The following MYOT variants were observed in gnomAD, a reference collection of about 807,000 sequenced individuals.
MYOT encodes myotilin, also known as 57 kDa cytoskeletal protein.
In MYOT, 36 loss-of-function variants were observed where a neutral mutation model predicts 58.0. That is an observed-to-expected ratio of 0.62 (90% CI 0.48 to 0.82). The LOEUF (loss-of-function observed/expected upper bound fraction) is 0.82, where lower values mean the gene tolerates loss of function less well. Ranked by LOEUF, MYOT falls within the 40% of genes least tolerant of loss-of-function variation. The pLI, the probability that MYOT is intolerant of heterozygous loss-of-function variation, is 0.00. For synonymous variants in MYOT, 218 were observed against 204.6 expected (o/e 1.07, Z -0.56); for missense variants, 505 against 592.1 (o/e 0.85, Z 1.53).
Position 137,875,927 on chromosome 5 carries a change from G to C in MYOT, c.455G>C (p.Gly152Ala). 1.9e-6 allele frequency: 3 copies of C among 1,613,966 alleles called. No homozygotes were observed. The highest frequency in any genetic ancestry group is 2.5e-6 in the Non-Finnish European group (3 of 1,179,930). ...IPRTPDHEIQ[G>A]SKEALIQDLE... is the part of the protein sequence containing the mutation. ...AGAACTCCTGATCATGAAATACAAG[G>C]ATCAAAAGAAGCTTTGATTCAAGAT... Residue 152 changes from glycine to alanine, a missense_variant, in exon 3 of 10, where the codon GGA (glycine) becomes GCA (alanine). Physicochemically the swap from Gly to Ala is moderately conservative, Grantham distance 60. Coordinates refer to ENST00000239926, the MANE Select transcript of MYOT (RefSeq NM_006790.3).
intron 7 of MYOT, among the ~76,000 whole-genome samples, chr5:137,883,860 T>C (rs987451158): frequency 6.6e-6 from 1 of 152,178 alleles, no homozygotes; most frequent in African/African-American, 2.4e-5. Context: ...AAATAAATCA[T>C]ACAATTTTAG....
Position 137,875,974 on chromosome 5 carries a change from A to C in MYOT, c.502A>C (p.Lys168Gln), listed in dbSNP as rs1755199587. 3 of 1,614,090 alleles carry C rather than the reference A, an allele frequency of 1.9e-6. No homozygotes were observed. The highest frequency in any genetic ancestry group is 1.7e-4 in the Middle Eastern group (1 of 6,056). ...IQDLERKLKCKDTLLHNGNQR... is the reference protein window; with the variant it reads ...IQDLERKLKCQDTLLHNGNQR... ...AGATTTGGAAAGAAAGCTGAAATGCAAGGACACCCTTCTTCATAATGGAAA... is the reference window on the plus strand; with the variant it reads ...AGATTTGGAAAGAAAGCTGAAATGCCAGGACACCCTTCTTCATAATGGAAA... Residue 168 changes from lysine to glutamine, a missense_variant, in exon 3 of 10, where the codon AAG becomes CAG. Coordinates refer to ENST00000239926, the MANE Select transcript of MYOT (RefSeq NM_006790.3).
In MYOT at chr5:137,874,203, A is replaced by G. The variant is rs189807270; in HGVS notation, c.357-1626A>G. On this transcript the variant is annotated intron_variant, in intron 2 of 9. Coordinates refer to ENST00000239926, the MANE Select transcript of MYOT (RefSeq NM_006790.3). Reference sequence around the variant, plus strand: ...CCCTGCAGGCCGGGTGCGGTGGCTCAAGCCTGTAATCCCAGAACTTTGGGA... The same window carrying G: ...CCCTGCAGGCCGGGTGCGGTGGCTCGAGCCTGTAATCCCAGAACTTTGGGA... Among the ~76,000 whole-genome samples the G allele has an allele frequency of 4.7e-3, 723 of 152,242 alleles. 6 individuals are homozygous for G. Among genetic ancestry groups the G allele is most frequent in the Non-Finnish European group, 5.8e-3 (392 of 68,010 alleles).
At chr5:137,873,043 G>A (rs1755099006) in intron 2 of MYOT, among the ~76,000 whole-genome samples, 1 of 152,226 alleles carries the variant, frequency 6.6e-6, no homozygotes, top group Non-Finnish European at 1.5e-5. Context: ...AGAGTATTCA[G>A]TGAACAAAGT....
At chr5:137,874,668 AT>A (rs1368402342) in intron 2 of MYOT, among the ~76,000 whole-genome samples, 1 of 152,174 alleles carries the variant, frequency 6.6e-6, no homozygotes, top group East Asian at 1.9e-4. Context: ...CATAGAAAAA[AT>A]TTAGGATCAA....
rs752911417 is a variant in MYOT, at chr5:137,887,271, C to A, written c.1383C>A (p.Ser461Arg). 1 of 1,613,996 alleles carries A rather than the reference C, an allele frequency of 6.2e-7. No homozygotes were observed. Among genetic ancestry groups the A allele is most frequent in the South Asian group, 1.1e-5 (1 of 91,078 alleles). Residue 461 changes from serine (S) to arginine (R), a missense_variant, in exon 10 of 10, where the codon AGC becomes AGA. Ser to Arg is a moderately radical substitution (Grantham distance 110). Transcript: ENST00000239926. ...AGTTACGGGTTCGACCAACATTCAG[C>A]AAATATTTAGCACTTAATGGGAAAG... The part of the protein sequence containing the change: ...PKQLRVRPTF[S>R]KYLALNGKGL...
Position 137,887,351 on chromosome 5 carries a change from C to T in MYOT, c.1463C>T (p.Ala488Val), listed in dbSNP as rs950292044. ...NPEGEFQRLA[A>V]QSGLYESEEL Reference sequence around the variant, plus strand: ...GAAGGAGAATTTCAGCGTTTGGCAGCTCAATCTGGACTCTATGAAAGTGAA... The same window carrying T: ...GAAGGAGAATTTCAGCGTTTGGCAGTTCAATCTGGACTCTATGAAAGTGAA... The change falls in exon 10 of 10, where the codon GCT becomes GTT. Residue 488 changes from alanine to valine, a missense_variant. Transcript: ENST00000239926. The T allele has an allele frequency of 2.5e-6, 4 of 1,613,860 alleles. No homozygotes were observed. Among genetic ancestry groups the T allele is most frequent in the Non-Finnish European group, 2.5e-6 (3 of 1,179,960 alleles).
rs761598206 is a variant in MYOT at position 137,887,251 on chromosome 5, C to T, written c.1363C>T (p.Arg455Trp). ...AACTCTTCCAGCTCCTAAGCAGTTA[C>T]GGGTTCGACCAACATTCAGCAAATA... ...NQTLPAPKQL[R>W]VRPTFSKYLA... The change falls in exon 10 of 10, where the codon CGG becomes TGG. Residue 455 changes from arginine (R) to tryptophan (W), a missense_variant. Coordinates refer to ENST00000239926, the MANE Select transcript of MYOT (RefSeq NM_006790.3). 22 of 1,614,006 alleles carry T rather than the reference C, an allele frequency of 1.4e-5. No individual in the cohort carries two copies. Among genetic ancestry groups the T allele is most frequent in the South Asian group, 4.4e-5 (4 of 91,076 alleles).
At chr5:137,869,780 T>G (rs749136705) in intron 1 of MYOT, among the ~76,000 whole-genome samples, 2 of 152,058 alleles carry the variant, frequency 1.3e-5, no homozygotes, top group South Asian at 4.2e-4. Flanking sequence ...AACTAGGAAG[T>G]ATAATCTAAA....
At chr5:137,886,791 G>A in intron 8 of MYOT, 73 bp from the exon 9 acceptor site, 1 of 1,091,630 alleles carries the variant, frequency 9.2e-7, no homozygotes, top group Non-Finnish European at 1.4e-6. Context: ...TTCCTAGTCT[G>A]ACTGTTGGTC....
At chr5:137,879,716 TTAG>T in intron 4 of MYOT, among the ~76,000 whole-genome samples, 1 of 149,006 alleles carries the variant, frequency 6.7e-6, no homozygotes, top group East Asian at 2.0e-4. Flanking sequence ...TTTTGTATTT[TTAG>T]TAGAGACAGG....
chr5:137,876,303 T>C (rs1755218186), intron 3 of MYOT: 2 of 383,330 alleles, frequency 5.2e-6, no homozygotes, highest in African/African-American at 2.1e-5. Flanking sequence ...TAGGAATTAC[T>C]GTCAAGTCAA....
intron 4 of MYOT, among the ~76,000 whole-genome samples, chr5:137,878,508 G>A (rs1436115335): frequency 6.6e-6 from 1 of 151,960 alleles, no homozygotes; most frequent in Non-Finnish European, 1.5e-5. Flanking sequence ...ATTTTAACAA[G>A]TAAACTTAAC....
rs1233447254 is a variant in MYOT, at chr5:137,886,120, T to C, written c.1097T>C (p.Val366Ala). Reference sequence around the variant, plus strand: ...AAAAAAGTTTTAGAGGGAGATTCAGTGAAACTAGAATGCCAGATCTCGGCT... The same window carrying C: ...AAAAAAGTTTTAGAGGGAGATTCAGCGAAACTAGAATGCCAGATCTCGGCT... Reference protein sequence around the residue: ...QSKKVLEGDSVKLECQISAIP... With the variant: ...QSKKVLEGDSAKLECQISAIP... The change falls in exon 8 of 10, where the codon GTG becomes GCG. Residue 366 changes from valine to alanine, a missense_variant. Physicochemically the swap from Val to Ala is moderately conservative, Grantham distance 64. Transcript: ENST00000239926. The C allele has an allele frequency of 1.2e-6, 2 of 1,611,064 alleles. No individual in the cohort carries two copies. Among genetic ancestry groups the C allele is most frequent in the Non-Finnish European group, 1.7e-6 (2 of 1,177,632 alleles).
chr5:137,880,593 A>G (rs1755394445), intron 4 of MYOT: 2 of 458,454 alleles, frequency 4.4e-6, no homozygotes, highest in Non-Finnish European at 7.9e-6. Flanking sequence ...ATTTTCATAA[A>G]TAATACTTGT....
intron 1 of MYOT, among the ~76,000 whole-genome samples, chr5:137,868,596 C>T (rs1051523100): frequency 5.9e-5 from 9 of 152,068 alleles, no homozygotes; most frequent in Admixed American, 2.0e-4. Context: ...TCAACATGTA[C>T]AAGACAGTTG....
At chr5:137,886,354 A>T in intron 8 of MYOT, 141 bp downstream of exon 8, 1 of 409,194 alleles carries the variant, frequency 2.4e-6, no homozygotes, top group Non-Finnish European at 4.1e-6. Flanking sequence ...TAAAATATAT[A>T]TTAGATAAAA....
intron 5 of MYOT, among the ~76,000 whole-genome samples, chr5:137,881,747 A>C (rs1328296790): frequency 6.6e-6 from 1 of 152,080 alleles, no homozygotes; most frequent in African/African-American, 2.4e-5. Context: ...TCCAGGCTGG[A>C]GTGCAGCGAC....
At position 137,870,830 on chromosome 5, in the gene MYOT, C is replaced by G. The variant is rs121908458; in HGVS notation, c.179C>G (p.Ser60Cys). The G allele has an allele frequency of 8.1e-6, 13 of 1,614,186 alleles. No homozygotes were observed. The highest frequency in any genetic ancestry group is 9.3e-6 in the Non-Finnish European group (11 of 1,180,024). The change falls in exon 2 of 10, where the codon TCT becomes TGT. Residue 60 changes from serine (S) to cysteine (C), a missense_variant. Coordinates refer to ENST00000239926, the MANE Select transcript of MYOT (RefSeq NM_006790.3). ...TTTTCTGCCTCCTCAACACTGAGCT[C>G]TCACATCACCATGTCCTCCTCTGCT... ...QRFSASSTLSSHITMSSSAFP... is the reference protein window; with the variant it reads ...QRFSASSTLSCHITMSSSAFP...
Sources: allele counts gnomAD v4.1 joint callset (sites outside exome capture counted in the v4.1 genomes callset), GRCh38; gene constraint gnomAD v4.1.1; transcripts MANE v1.5; gene names NCBI Gene and HGNC (gene_info 2026-07-23, HGNC 2026-07-21).